TMEM144: variants seen among roughly 807,000 people sequenced by gnomAD.
TMEM144 encodes transmembrane protein 144.
In TMEM144, 39 loss-of-function variants were observed where a neutral mutation model predicts 43.6. The ratio of observed to expected loss-of-function variants is 0.90; its 90% CI spans 0.69 to 1.17. The LOEUF (loss-of-function observed/expected upper bound fraction) is 1.17. TMEM144 is among the 50% of genes most tolerant of loss of function. TMEM144 has a pLI of 0.00. For synonymous variants in TMEM144, 154 were observed against 133.6 expected, an observed-to-expected ratio of 1.15 and a Z score of -1.06; for missense variants, 417 against 411.9, an observed-to-expected ratio of 1.01 and a Z score of -0.11.
chr4:158,236,696 T>C (rs1735367056), intron 8 of TMEM144, among the ~76,000 whole-genome samples: 1 of 152,084 alleles, frequency 6.6e-6, no homozygotes, highest in Admixed American at 6.6e-5. Flanking sequence ...ATTTTTTTGT[T>C]TTTTTTAGAG....
intron 5 of TMEM144, 62 bp downstream of exon 5, chr4:158,217,482 T>G (rs937952680): frequency 3.4e-6 from 4 of 1,191,154 alleles, no homozygotes; most frequent in Non-Finnish European, 5.0e-6. Context: ...GTAAAGCAAG[T>G]GATTACCGAG....
intron 12 of TMEM144, among the ~76,000 whole-genome samples, chr4:158,252,126 C>T (rs553972297): frequency 6.7e-4 from 102 of 152,214 alleles, no homozygotes; most frequent in Admixed American, 2.5e-3. Context: ...ATATTAAAAT[C>T]GATCTATCTG....
chr4:158,234,185 T>A (rs1220873998), intron 7 of TMEM144: 1 of 152,136 alleles, frequency 6.6e-6, no homozygotes, highest in South Asian at 2.1e-4. Flanking sequence ...TGACAAAGAA[T>A]TCAAATCTAC....
chr4:158,252,831 GA>G (rs1250609458), intron 12 of TMEM144, among the ~76,000 whole-genome samples: 4 of 147,368 alleles, frequency 2.7e-5, no homozygotes, highest in African/African-American at 7.5e-5. Flanking sequence ...AAGAAAAAAA[GA>G]AAAAAAAATA....
intron 5 of TMEM144, 29 bp from the exon 6 acceptor site, chr4:158,219,281 T>C: frequency 6.2e-7 from 1 of 1,610,882 alleles, no homozygotes; most frequent in South Asian, 1.1e-5. Context: ...TAACAATATT[T>C]AATTTGATGT....
At chr4:158,225,917 C>T (rs1370660569) in intron 6 of TMEM144, among the ~76,000 whole-genome samples, 2 of 152,234 alleles carry the variant, frequency 1.3e-5, no homozygotes, top group Admixed American at 6.5e-5. Context: ...GCAGAGAGAG[C>T]TTGGCATGAC....
chr4:158,216,167 C>T (rs1734210557), intron 4 of TMEM144, among the ~76,000 whole-genome samples: 1 of 152,128 alleles, frequency 6.6e-6, no homozygotes, highest in African/African-American at 2.4e-5. Flanking sequence ...GGGAGAGGAA[C>T]AGACTAAGCA....
At chr4:158,236,750 G>A (rs1163671119) in intron 8 of TMEM144, among the ~76,000 whole-genome samples, 3 of 151,864 alleles carry the variant, frequency 2.0e-5, no homozygotes, top group African/African-American at 7.3e-5. Flanking sequence ...CAGTGGCAAA[G>A]TGCTGGGATT....
At chr4:158,245,144 A>G (rs1735822116) in intron 12 of TMEM144, among the ~76,000 whole-genome samples, 1 of 151,668 alleles carries the variant, frequency 6.6e-6, no homozygotes, top group South Asian at 2.1e-4. Context: ...ACAGGAGGCT[A>G]TTGCCATTTC....
intron 12 of TMEM144, among the ~76,000 whole-genome samples, chr4:158,249,334 C>A (rs1167686305): frequency 6.6e-6 from 1 of 152,210 alleles, no homozygotes; most frequent in Non-Finnish European, 1.5e-5. Flanking sequence ...GTAATGCCAA[C>A]ACAGGCAGTT....
intron 12 of TMEM144, among the ~76,000 whole-genome samples, chr4:158,250,445 T>C (rs1351314593): frequency 6.6e-6 from 1 of 152,136 alleles, no homozygotes; most frequent in East Asian, 1.9e-4. Context: ...CAGACAAAAG[T>C]CCACTCTTTG....
intron 6 of TMEM144, among the ~76,000 whole-genome samples, chr4:158,230,657 T>A (rs890975682): frequency 6.6e-6 from 1 of 151,656 alleles, no homozygotes; most frequent in African/African-American, 2.4e-5. Context: ...ATATATAATA[T>A]ATATAAAACA....
intron 9 of TMEM144, among the ~76,000 whole-genome samples, chr4:158,239,287 C>T (rs533966403): frequency 6.6e-6 from 1 of 152,324 alleles, no homozygotes; most frequent in South Asian, 2.1e-4. Flanking sequence ...CATGGCCACT[C>T]ATCTTTGTCA....
chr4:158,229,310 C>T (rs1455673152), intron 6 of TMEM144, among the ~76,000 whole-genome samples: 3 of 152,310 alleles, frequency 2.0e-5, no homozygotes, highest in Non-Finnish European at 4.4e-5. Flanking sequence ...ATCTGGTTTG[C>T]TCCCGCGCTT....
intron 6 of TMEM144, among the ~76,000 whole-genome samples, chr4:158,227,453 C>T (rs1734831820): frequency 6.6e-6 from 1 of 152,086 alleles, no homozygotes; most frequent in Non-Finnish European, 1.5e-5. Context: ...AGAATACTTT[C>T]AATTATCAAT....
chr4:158,235,277 A>T, intron 7 of TMEM144, 161 bp from the exon 8 acceptor site: 1 of 631,712 alleles, frequency 1.6e-6, no homozygotes, highest in Non-Finnish European at 2.5e-6. Context: ...GGAAACAATT[A>T]GAAACAGTTG....
chr4:158,210,662 T>C (rs1451044227), intron 1 of TMEM144, 76 bp downstream of exon 1: 1 of 152,224 alleles, frequency 6.6e-6, no homozygotes, highest in East Asian at 1.9e-4. Flanking sequence ...AACGTGCTCA[T>C]GGTTAAAAAG....
At chr4:158,224,746 T>C (rs1734677234) in intron 6 of TMEM144, among the ~76,000 whole-genome samples, 1 of 152,182 alleles carries the variant, frequency 6.6e-6, no homozygotes, top group Non-Finnish European at 1.5e-5. Flanking sequence ...GCTTCGGCCA[T>C]GCGTGGACCA....
In TMEM144 at chr4:158,227,588, T is replaced by G. The variant is rs1734839807; in HGVS notation, c.414-5313T>G. 2.0e-5 allele frequency among the ~76,000 whole-genome samples: 3 copies of G among 152,188 alleles called. No homozygotes were observed. The South Asian group carries it at 6.2e-4, about 31-fold the overall frequency. ...TCTTTGACTTTGTCTCTCTCTGACT[T>G]TCCTTTTGCCTCTGTCTCTTCCTCT... On this transcript the variant is annotated intron_variant, in intron 6 of 12. Coordinates refer to ENST00000296529, the MANE Select transcript of TMEM144 (RefSeq NM_018342.5).
Sources: gnomAD v4.1 joint callset for allele counts (sites outside exome capture counted in the v4.1 genomes callset) on GRCh38, gnomAD v4.1.1 for gene constraint, MANE v1.5 for transcripts, NCBI Gene and HGNC (gene_info 2026-07-23, HGNC 2026-07-21) for gene names.